The following CAMK1D variants were observed in gnomAD, a reference collection of about 807,000 sequenced individuals.
The protein encoded by CAMK1D is calcium/calmodulin dependent protein kinase ID, also known as calcium/calmodulin-dependent protein kinase type 1D.
Under a neutral mutation model 47.7 loss-of-function variants are expected in CAMK1D, and 9 were observed. The observed-to-expected ratio is 0.19, with a 90% CI of 0.11 to 0.33. The LOEUF is 0.33. CAMK1D is among the 10% of genes least tolerant of loss of function. The pLI, the probability that CAMK1D is intolerant of heterozygous loss-of-function variation, is 1.00. For missense variants in CAMK1D, 291 were observed against 488.7 expected (o/e 0.60, Z 3.81); for synonymous variants, 184 against 184.9 (o/e 0.99, Z 0.04).
At chr10:12,620,186 CAAAAAAAAAAAAAAAAAA>C (rs56027797) in intron 2 of CAMK1D, among the ~76,000 whole-genome samples, 6 of 86,592 alleles carry the variant, frequency 6.9e-5, no homozygotes, top group African/African-American at 3.0e-4. Context: ...GACTCCGTCT[CAAAAAAAAAAAAAAAAAA>C]AAAAAAAAAA....
At chr10:12,734,481 T>TACACAC (rs1389921593) in intron 3 of CAMK1D, among the ~76,000 whole-genome samples, 67 of 133,220 alleles carry the variant, frequency 5.0e-4, no homozygotes, top group African/African-American at 1.6e-3. Flanking sequence ...TGTGTATATA[T>TACACAC]ACACATATGT....
chr10:12,420,917 C>T (rs909209456), intron 1 of CAMK1D, among the ~76,000 whole-genome samples: 4 of 152,182 alleles, frequency 2.6e-5, no homozygotes, highest in African/African-American at 4.8e-5. Context: ...GCTCCTGCCA[C>T]GTCTGTTCTG....
At chr10:12,702,009 A>G (rs1564504786) in intron 3 of CAMK1D, among the ~76,000 whole-genome samples, 1 of 152,244 alleles carries the variant, frequency 6.6e-6, no homozygotes, top group Non-Finnish European at 1.5e-5. Context: ...AGACCCTGGA[A>G]GCAATGTACA....
chr10:12,528,762 G>A (rs1835709338), intron 1 of CAMK1D, among the ~76,000 whole-genome samples: 1 of 140,810 alleles, frequency 7.1e-6, no homozygotes, highest in South Asian at 2.3e-4. Flanking sequence ...TCTTTTTGGA[G>A]TCAGGGTTCC....
intron 2 of CAMK1D, among the ~76,000 whole-genome samples, chr10:12,615,092 G>C (rs1344147682): frequency 6.6e-6 from 1 of 152,196 alleles, no homozygotes; most frequent in African/African-American, 2.4e-5. Context: ...ATGGCAGGCA[G>C]AACGCCTGAG....
At chr10:12,507,683 C>T (rs921191282) in intron 1 of CAMK1D, among the ~76,000 whole-genome samples, 4 of 152,198 alleles carry the variant, frequency 2.6e-5, no homozygotes, top group South Asian at 4.2e-4. Flanking sequence ...CTGAGGTTTG[C>T]GTTTCTTGAA....
intron 1 of CAMK1D, among the ~76,000 whole-genome samples, chr10:12,537,780 C>T (rs1355705466): frequency 6.6e-6 from 1 of 152,166 alleles, no homozygotes; most frequent in Admixed American, 6.5e-5. Context: ...TGAATATTTT[C>T]CCCTTTCCGC....
At chr10:12,586,897 T>C (rs76904664) in intron 2 of CAMK1D, among the ~76,000 whole-genome samples, 3,505 of 152,320 alleles carry the variant, frequency 0.023, 59 homozygotes, top group Non-Finnish European at 0.032. Context: ...TGAGAACTTG[T>C]CTGGCCTGGG....
intron 2 of CAMK1D, among the ~76,000 whole-genome samples, chr10:12,567,339 C>G (rs574916986): frequency 6.6e-6 from 1 of 152,320 alleles, no homozygotes; most frequent in South Asian, 2.1e-4. Flanking sequence ...AGGGAGGCAG[C>G]TTTCCCACGT....
chr10:12,431,715 C>T (rs1005619910), intron 1 of CAMK1D, among the ~76,000 whole-genome samples: 6 of 152,336 alleles, frequency 3.9e-5, no homozygotes, highest in South Asian at 2.1e-4. Context: ...CCGCATGACC[C>T]GGTCTGACTT....
At chr10:12,368,148 C>T (rs538016333) in intron 1 of CAMK1D, among the ~76,000 whole-genome samples, 273 of 151,522 alleles carry the variant, frequency 1.8e-3, no homozygotes, top group African/African-American at 6.3e-3. Context: ...GCCGAGATTG[C>T]GCCACTGCAG....
At chr10:12,630,299 C>T (rs1329449217) in intron 2 of CAMK1D, among the ~76,000 whole-genome samples, 1 of 151,328 alleles carries the variant, frequency 6.6e-6, no homozygotes, top group Non-Finnish European at 1.5e-5. Context: ...CCCCCTTCTG[C>T]CCACCCCCAC....
At chr10:12,714,273 G>GTCTACCT (rs1312015661) in intron 3 of CAMK1D, among the ~76,000 whole-genome samples, 1 of 151,940 alleles carries the variant, frequency 6.6e-6, no homozygotes, top group Non-Finnish European at 1.5e-5. Context: ...CCAGACAACC[G>GTCTACCT]TCTACCTTCA....
intron 3 of CAMK1D, among the ~76,000 whole-genome samples, chr10:12,737,897 A>G (rs975104732): frequency 6.6e-6 from 1 of 152,250 alleles, no homozygotes; most frequent in African/African-American, 2.4e-5. Context: ...CATACATCAA[A>G]ATAAATTCTA....
At chr10:12,624,361 G>A (rs1290541946) in intron 2 of CAMK1D, among the ~76,000 whole-genome samples, 1 of 151,992 alleles carries the variant, frequency 6.6e-6, no homozygotes, top group African/African-American at 2.4e-5. Context: ...TATTCATCTC[G>A]CGCAACTAAA....
intron 1 of CAMK1D, among the ~76,000 whole-genome samples, chr10:12,538,885 CAAAAAAA>C (rs60713871): frequency 5.6e-5 from 5 of 89,196 alleles, no homozygotes; most frequent in South Asian, 4.2e-4. Flanking sequence ...AAAACTGAGG[CAAAAAAA>C]AAAAAAAAAA....
At position 12,761,317 on chromosome 10, in the gene CAMK1D, A is replaced by G. The variant is rs937664439; in HGVS notation, c.438+231A>G. ...TGGCCACTGTTCATGAGATTTTTAC[A>G]ACCATTATGTAGCCAAAGGGTTACA... is the stretch of plus-strand genomic sequence containing the variant. On this transcript the variant is annotated intron_variant, in intron 4 of 10. Coordinates refer to ENST00000619168, the MANE Select transcript of CAMK1D (RefSeq NM_153498.4). 3.3e-5 allele frequency among the ~76,000 whole-genome samples: 5 copies of G among 152,204 alleles called. No individual in the cohort carries two copies. The South Asian group carries it at 1.0e-3, about 32-fold the overall frequency.
chr10:12,526,060 A>G (rs778080121), intron 1 of CAMK1D, among the ~76,000 whole-genome samples: 1 of 152,158 alleles, frequency 6.6e-6, no homozygotes, highest in Non-Finnish European at 1.5e-5. Context: ...ACCCGGCCCT[A>G]TGTCCTATGT....
chr10:12,709,958 G>A (rs1833873834), intron 3 of CAMK1D, among the ~76,000 whole-genome samples: 1 of 152,174 alleles, frequency 6.6e-6, no homozygotes, highest in Non-Finnish European at 1.5e-5. Flanking sequence ...TGTTTCCCCA[G>A]CTCTGGAGTC....
Sources: gnomAD v4.1 joint callset for allele counts (sites outside exome capture counted in the v4.1 genomes callset) on GRCh38, gnomAD v4.1.1 for gene constraint, MANE v1.5 for transcripts, NCBI Gene and HGNC (gene_info 2026-07-23, HGNC 2026-07-21) for gene names.